Variants in WDR27 observed in about 807,000 individuals in gnomAD.
WDR27 encodes WD repeat domain 27.
WDR27 carries 100 observed loss-of-function variants against 114.4 expected under a neutral mutation model. The observed-to-expected ratio is 0.87, with a 90% CI of 0.74 to 1.03. The LOEUF is 1.03. WDR27 is among the 50% of genes least tolerant of loss of function. WDR27 has a pLI of 0.00. For missense variants in WDR27, 1,129 were observed against 1,092.9 expected, an observed-to-expected ratio of 1.03 and a Z score of -0.47; for synonymous variants, 449 against 423.1, an observed-to-expected ratio of 1.06 and a Z score of -0.75.
intron 4 of WDR27, 103 bp from the exon 5 acceptor site, chr6:169,668,288 G>A: frequency 8.7e-7 from 1 of 1,154,156 alleles, no homozygotes; most frequent in Non-Finnish European, 1.2e-6. Flanking sequence ...GAAAGCTCAG[G>A]CGACAGGCAC....
chr6:169,531,659 T>G (rs1385369101), intron 25 of WDR27, among the ~76,000 whole-genome samples: 1 of 151,564 alleles, frequency 6.6e-6, no homozygotes, highest in East Asian at 1.9e-4. Flanking sequence ...CAGTTTGTTT[T>G]TTTTTTTTTT....
intron 25 of WDR27, among the ~76,000 whole-genome samples, chr6:169,536,047 G>A (rs1287594292): frequency 1.3e-5 from 2 of 152,172 alleles, no homozygotes; most frequent in South Asian, 2.1e-4. Context: ...GAAGTTGCCA[G>A]CATGCCTGTA....
intron 22 of WDR27, among the ~76,000 whole-genome samples, chr6:169,609,019 G>A (rs953233182): frequency 1.3e-5 from 2 of 152,216 alleles, no homozygotes; most frequent in Non-Finnish European, 2.9e-5. Flanking sequence ...AAATCTTAAA[G>A]CTCCAAAATG....
chr6:169,561,158 G>C (rs1365516027), intron 25 of WDR27, among the ~76,000 whole-genome samples: 2 of 152,064 alleles, frequency 1.3e-5, no homozygotes, highest in Admixed American at 6.6e-5. Flanking sequence ...TGAAGGTGCT[G>C]GCAGTGCCTG....
At chr6:169,618,481 T>G (rs1812376570) in intron 21 of WDR27, among the ~76,000 whole-genome samples, 1 of 152,090 alleles carries the variant, frequency 6.6e-6, no homozygotes, top group Admixed American at 6.6e-5. Context: ...TAGGAAAATA[T>G]GACCATCACT....
At chr6:169,442,773 T>G in the WDR27 span, among the ~76,000 whole-genome samples, 297 of 152,300 alleles carry the variant, frequency 2.0e-3, 1 homozygote, top group African/African-American at 6.9e-3. Context: ...TCTGGCCACC[T>G]GGCCTTGGAG....
At chr6:169,495,858 C>G (rs1790333817) in intron 25 of WDR27, among the ~76,000 whole-genome samples, 1 of 151,968 alleles carries the variant, frequency 6.6e-6, no homozygotes, top group African/African-American at 2.4e-5. Context: ...TGGAATTATT[C>G]CAATTCTGCT....
intron 21 of WDR27, 75 bp downstream of exon 21, chr6:169,632,872 C>T: frequency 7.4e-7 from 1 of 1,343,654 alleles, no homozygotes; most frequent in Non-Finnish European, 9.9e-7. Context: ...AAAATGGCAT[C>T]ATACATTTGT....
chr6:169,545,161 C>T (rs541177448), intron 25 of WDR27, among the ~76,000 whole-genome samples: 1 of 152,282 alleles, frequency 6.6e-6, no homozygotes, highest in East Asian at 1.9e-4. Flanking sequence ...GCTTACTTTA[C>T]AGCCACACTA....
intron 17 of WDR27, 133 bp downstream of exon 17, chr6:169,643,564 C>T (rs1476913623): frequency 1.5e-6 from 1 of 666,306 alleles, no homozygotes; most frequent in Admixed American, 2.9e-5. Flanking sequence ...CTAGTTTAGA[C>T]TCCAATTCAA....
intron 2 of WDR27, among the ~76,000 whole-genome samples, chr6:169,687,624 T>G (rs1337421025): frequency 1.3e-5 from 2 of 152,200 alleles, no homozygotes; most frequent in African/African-American, 2.4e-5. Context: ...TACAGATTGG[T>G]ACAACCAATT....
chr6:169,500,324 T>G (rs1790999098), intron 25 of WDR27, among the ~76,000 whole-genome samples: 1 of 152,162 alleles, frequency 6.6e-6, no homozygotes, highest in African/African-American at 2.4e-5. Flanking sequence ...AAATGAGGTC[T>G]GTACTAACAA....
At chr6:169,492,617 T>C (rs560893898) in intron 25 of WDR27, among the ~76,000 whole-genome samples, 8 of 151,746 alleles carry the variant, frequency 5.3e-5, no homozygotes, top group African/African-American at 1.7e-4. Context: ...TTTTCAGATA[T>C]ACAACAACTA....
chr6:169,550,785 A>G (rs1181977715), intron 25 of WDR27, among the ~76,000 whole-genome samples: 4 of 152,002 alleles, frequency 2.6e-5, no homozygotes, highest in Admixed American at 2.6e-4. Context: ...ACTCAATCAC[A>G]GCTCACTGCA....
chr6:169,602,674 CT>C (rs1302668796), intron 22 of WDR27, among the ~76,000 whole-genome samples: 3 of 151,956 alleles, frequency 2.0e-5, no homozygotes, highest in Admixed American at 6.6e-5. Flanking sequence ...TATTCAGAGA[CT>C]TTTTGGAGGC....
At chr6:169,634,353 T>C (rs1247089246) in intron 20 of WDR27, 75 bp downstream of exon 20, 1 of 1,094,736 alleles carries the variant, frequency 9.1e-7, no homozygotes, top group East Asian at 2.6e-5. Flanking sequence ...ACTCACGAGA[T>C]GCTCAGCACA....
rs1385230537 is a variant in WDR27, at chr6:169,645,052, A to T, written c.1658-1266T>A. Among the ~76,000 whole-genome samples, 15 of 58,610 alleles carry T rather than the reference A, an allele frequency of 2.6e-4. 2 individuals are homozygous for T. Among genetic ancestry groups the T allele is most frequent in the African/African-American group, 7.3e-4 (6 of 8,212 alleles). The allele number at this position is 58,610 out of a possible 152,430, so 38.5% of individuals were successfully genotyped here. A position where few individuals can be genotyped will look rare whatever the true frequency, so the allele number is the denominator to read the frequency against. On this transcript the variant is annotated intron_variant, in intron 16 of 25. Coordinates refer to ENST00000448612, the MANE Select transcript of WDR27 (RefSeq NM_182552.5). Reference sequence around the variant, plus strand: ...AAAAAAAAATAAAAAAAAAAAAAAAAAAAAAAGAAAATCCTAGTTCACACG... The same window carrying T: ...AAAAAAAAATAAAAAAAAAAAAAAATAAAAAAGAAAATCCTAGTTCACACG...
At chr6:169,625,725 C>G (rs572717958) in intron 21 of WDR27, among the ~76,000 whole-genome samples, 1 of 152,186 alleles carries the variant, frequency 6.6e-6, no homozygotes, top group African/African-American at 2.4e-5. Flanking sequence ...GCCAGTGGTG[C>G]CTGCTCAGAT....
chr6:169,636,041 G>A (rs939880629), intron 19 of WDR27, among the ~76,000 whole-genome samples: 1 of 152,126 alleles, frequency 6.6e-6, no homozygotes, highest in African/African-American at 2.4e-5. Flanking sequence ...GTATATATTT[G>A]AAACAGTTCA....
Sources: allele counts gnomAD v4.1 joint callset (sites outside exome capture counted in the v4.1 genomes callset), GRCh38; gene constraint gnomAD v4.1.1; transcripts MANE v1.5; gene names NCBI Gene and HGNC (gene_info 2026-07-23, HGNC 2026-07-21).